DENND2D: variants seen among roughly 807,000 people sequenced by gnomAD.
The protein encoded by DENND2D is DENN domain-containing protein 2D.
DENND2D carries 37 observed loss-of-function variants against 59.8 expected under a neutral mutation model. The ratio of observed to expected loss-of-function variants is 0.62; its 90% CI spans 0.48 to 0.81. The LOEUF is 0.81. Among genes scored for constraint, DENND2D ranks in the 40% least tolerant of loss-of-function variants. DENND2D has a pLI of 0.00. For synonymous variants in DENND2D, 219 were observed against 211.3 expected (o/e 1.04, Z -0.31); for missense variants, 525 against 579.7 (o/e 0.91, Z 0.97).
chr1:111,203,852 G>T (rs1244451484), upstream of DENND2D, among the ~76,000 whole-genome samples: 4 of 152,276 alleles, frequency 2.6e-5, no homozygotes, highest in African/African-American at 9.6e-5. Context: ...CAGGGGCGCT[G>T]GCTCCGAGGA....
rs1658602444 is a variant in DENND2D, at chr1:111,199,643, T to C, written c.223A>G (p.Ile75Val). Residue 75 changes from isoleucine to valine, a missense_variant, in exon 2 of 12, where the codon ATC (isoleucine) becomes GTC (valine). Around this residue, in one of 3 missense-constraint regions of DENND2D, gnomAD observed 253 missense variants for 246.4 expected, o/e 1.03. Transcript: ENST00000357640. ...KRSEDDYEPIITYQFPKRENL... is the reference protein window; with the variant it reads ...KRSEDDYEPIVTYQFPKRENL... Reference sequence around the variant, plus strand: ...CTTACCTTGGGAAATTGGTAGGTGATTATAGGCTCGTAATCATCCTCTGAA... The same window carrying C: ...CTTACCTTGGGAAATTGGTAGGTGACTATAGGCTCGTAATCATCCTCTGAA... 2 of 1,613,796 alleles carry C rather than the reference T, an allele frequency of 1.2e-6. No homozygotes were observed. Among genetic ancestry groups the C allele is most frequent in the South Asian group, 1.1e-5 (1 of 91,076 alleles).
At chr1:111,204,007 A>G, upstream of DENND2D, 1 of 417,124 alleles carries the variant, frequency 2.4e-6, no homozygotes, top group Non-Finnish European at 4.3e-6. Flanking sequence ...AGCTTCCTGG[A>G]TGGAAGGACA....
intron 8 of DENND2D, among the ~76,000 whole-genome samples, chr1:111,190,027 G>A (rs954547745): frequency 1.1e-4 from 16 of 152,168 alleles, no homozygotes; most frequent in South Asian, 6.3e-4. Flanking sequence ...AGCCGGGTGT[G>A]GTGGCGGGCG....
chr1:111,204,523 T>A, upstream of DENND2D: 1 of 677,438 alleles, frequency 1.5e-6, no homozygotes, highest in Non-Finnish European at 2.2e-6. Context: ...CGGGCGCACC[T>A]GGGCGGGCCC....
chr1:111,189,086 T>A, intron 9 of DENND2D, 126 bp downstream of exon 9: 1 of 1,111,700 alleles, frequency 9.0e-7, no homozygotes, highest in Non-Finnish European at 1.3e-6. Flanking sequence ...AGAGATGTGG[T>A]CTTTTTAGCA....
In DENND2D at chr1:111,200,535, G is replaced by A. The variant is rs1658702834; in HGVS notation, c.-76C>T. 4 of 1,540,944 alleles carry A rather than the reference G, an allele frequency of 2.6e-6. No individual in the cohort carries two copies. Among genetic ancestry groups the A allele is most frequent in the Admixed American group, 3.9e-5 (2 of 50,876 alleles). On this transcript the variant is annotated 5_prime_UTR_variant, in exon 1 of 12. Transcript: ENST00000357640. The stretch of plus-strand genomic sequence containing the variant: ...ACTGGTGACAGTAAGCCTGAGAAAG[G>A]GGCTGCTTCGGTCTCCAGCCACAAC...
intron 4 of DENND2D, chr1:111,197,463 G>T: frequency 7.0e-7 from 1 of 1,422,612 alleles, no homozygotes; most frequent in South Asian, 1.5e-5. Context: ...GCCACCTTCA[G>T]TGCCAGCACA....
intron 7 of DENND2D, among the ~76,000 whole-genome samples, chr1:111,193,098 T>C (rs1657930139): frequency 6.6e-6 from 1 of 152,232 alleles, no homozygotes; most frequent in Non-Finnish European, 1.5e-5. Flanking sequence ...CTTTCTCTTT[T>C]ATCCCCTGGC....
Position 111,194,481 on chromosome 1 carries a change from A to C in DENND2D, c.794+97T>G, listed in dbSNP as rs1381271990. 4 of 1,402,266 alleles carry C rather than the reference A, an allele frequency of 2.9e-6. No homozygotes were observed. In the African/African-American group the frequency reaches 5.8e-5, roughly 20 times the overall value. The allele number at this position is 1,402,266 out of a possible 1,614,324, so 86.9% of individuals were successfully genotyped here. On this transcript the variant is annotated intron_variant, in intron 7 of 11. Coordinates refer to ENST00000357640, the MANE Select transcript of DENND2D (RefSeq NM_024901.5). ...TAGAAACAGGAGGGTGGGCGCATGG[A>C]CCCTACAGCCCATTTTCCTTGGATA...
At position 111,197,930 on chromosome 1, in the gene DENND2D, C is replaced by T; in HGVS notation, c.416G>A (p.Arg139Lys). The T allele has an allele frequency of 1.2e-6, 2 of 1,614,014 alleles. No homozygotes were observed. The highest frequency in any genetic ancestry group is 2.2e-5 in the East Asian group (1 of 44,890). Residue 139 changes from arginine to lysine, a missense_variant, in exon 4 of 12, where the codon AGG (arginine) becomes AAG (lysine). Coordinates refer to ENST00000357640, the MANE Select transcript of DENND2D (RefSeq NM_024901.5). ...VDGSRKIGYC[R>K]RLLPAGPGPR... is the part of the protein sequence containing the mutation. Reference sequence around the variant, plus strand: ...CTGAGCTGCACAGACCAAGAGGCGCCTGCAGTATCCAATCTTTCTGCTCCC... The same window carrying T: ...CTGAGCTGCACAGACCAAGAGGCGCTTGCAGTATCCAATCTTTCTGCTCCC...
At chr1:111,197,347 AG>A in intron 4 of DENND2D, 94 bp from the exon 5 acceptor site, 1 of 1,530,720 alleles carries the variant, frequency 6.5e-7, no homozygotes, top group East Asian at 2.4e-5. Context: ...AGGGCTGGGG[AG>A]GGGGATTTAT....
rs893323815 is a variant in DENND2D, at chr1:111,190,043, A to G, written c.973-790T>C. Among the ~76,000 whole-genome samples, 3 of 152,034 alleles carry G rather than the reference A, an allele frequency of 2.0e-5. No homozygotes were observed. The East Asian group carries it at 5.8e-4, about 29-fold the overall frequency. The stretch of plus-strand genomic sequence containing the variant: ...GCCGGGTGTGGTGGCGGGCGCCTGT[A>G]GTCCCAGCTACTCCAGAGGCTGAGG... On this transcript the variant is annotated intron_variant, in intron 8 of 11. Transcript: ENST00000357640.
intron 8 of DENND2D, among the ~76,000 whole-genome samples, chr1:111,190,973 T>C (rs1419436109): frequency 6.6e-6 from 1 of 152,180 alleles, no homozygotes; most frequent in Non-Finnish European, 1.5e-5. Context: ...TTCCAGTATT[T>C]GGGCATATTA....
At position 111,187,332 on chromosome 1, in the gene DENND2D, A is replaced by C. The variant is rs1387707589; in HGVS notation, c.*273T>G. ...GCTTCTAACCAAGTGTCTACAACACATGTACTACTGTTTCCTACCTGTGTC... is the reference window on the plus strand; with the variant it reads ...GCTTCTAACCAAGTGTCTACAACACCTGTACTACTGTTTCCTACCTGTGTC... On this transcript the variant is annotated 3_prime_UTR_variant, in exon 12 of 12. Coordinates refer to ENST00000357640, the MANE Select transcript of DENND2D (RefSeq NM_024901.5). 1.1e-5 allele frequency: 5 copies of C among 457,846 alleles called. No individual in the cohort carries two copies. In the Admixed American group the frequency reaches 1.7e-4, roughly 15 times the overall value. 28.4% of individuals were successfully genotyped at this position (457,846 alleles called of 1,614,324 possible).
upstream of DENND2D, among the ~76,000 whole-genome samples, chr1:111,203,851 T>C (rs1338063437): frequency 6.6e-6 from 1 of 150,778 alleles, no homozygotes; most frequent in Non-Finnish European, 1.5e-5. Context: ...GCAGGGGCGC[T>C]GGCTCCGAGG....
At position 111,198,390 on chromosome 1, in the gene DENND2D, A is replaced by G. The variant is rs1196145632; in HGVS notation, c.356+240T>C. On this transcript the variant is annotated intron_variant, in intron 3 of 11. Transcript: ENST00000357640. ...GCCAGTAGCAGAGTTAAAAGCAGCA[A>G]CTATTGCTTCTAGGACAGGTGGGAG... 2.6e-5 allele frequency among the ~76,000 whole-genome samples: 4 copies of G among 152,220 alleles called. No individual in the cohort carries two copies. In the East Asian group the frequency reaches 7.7e-4, roughly 29 times the overall value.
intron 8 of DENND2D, 117 bp from the exon 9 acceptor site, chr1:111,189,370 A>G (rs995021291): frequency 7.9e-6 from 8 of 1,018,302 alleles, no homozygotes; most frequent in Non-Finnish European, 1.2e-5. Flanking sequence ...CAACAAAATC[A>G]ATATCTTCAG....
rs1178727599 is a variant in DENND2D at position 111,198,721 on chromosome 1, GA to G, written c.264del (p.Gln89SerfsTer38). 2 of 1,614,148 alleles carry G rather than the reference GA, an allele frequency of 1.2e-6. No individual in the cohort carries two copies. ...AGCAGCCGCTCCTCCTCCTCCTGCT[GA>G]CCCCGAAGCAGGTTCTCCCGCTATA... The part of the protein sequence containing the change: ...QFPKRENLLR[G>X]QQEEEERLLK... On this transcript the variant is annotated frameshift_variant, in exon 3 of 12. Coordinates refer to ENST00000357640, the MANE Select transcript of DENND2D (RefSeq NM_024901.5). LOFTEE classifies it high-confidence loss of function.
upstream of DENND2D, among the ~76,000 whole-genome samples, chr1:111,203,405 G>A (rs1229076244): frequency 1.3e-5 from 2 of 152,232 alleles, no homozygotes; most frequent in African/African-American, 4.8e-5. Context: ...CCTGCTCTTT[G>A]CTCCTCAGAC....
Sources: allele counts gnomAD v4.1 joint callset (sites outside exome capture counted in the v4.1 genomes callset), GRCh38; gene constraint gnomAD v4.1.1; regional missense constraint gnomAD v4.1.1; transcripts MANE v1.5; gene names NCBI Gene and HGNC (gene_info 2026-07-23, HGNC 2026-07-21).